The following AGBL4 variants were observed in gnomAD, a reference collection of about 807,000 sequenced individuals.
AGBL4 encodes the protein AGBL carboxypeptidase 4, also known as cytosolic carboxypeptidase 6.
Under a neutral mutation model 66.4 loss-of-function variants are expected in AGBL4, and 58 were observed. That is an observed-to-expected ratio of 0.87 (90% CI 0.71 to 1.09). AGBL4 has a LOEUF of 1.09. Ranked by LOEUF, AGBL4 falls within the 50% of genes least tolerant of loss-of-function variation. The pLI is 0.00. For missense variants in AGBL4, 579 were observed against 631.0 expected (o/e 0.92, Z 0.88); for synonymous variants, 234 against 222.9 (o/e 1.05, Z -0.44).
chr1:48,724,079 G>A (rs574321800), intron 6 of AGBL4, among the ~76,000 whole-genome samples: 9 of 152,166 alleles, frequency 5.9e-5, no homozygotes, highest in Non-Finnish European at 1.2e-4. Context: ...CTGCATACGG[G>A]GTCAGCAGGT....
In AGBL4 at chr1:49,787,797, T is replaced by G. The variant is rs181996677; in HGVS notation, c.157+63599A>C. ...AGTCACACAGGACACACCTAATTCCTCCAACAATGAACTGTGACAACACAT... is the reference window on the plus strand; with the variant it reads ...AGTCACACAGGACACACCTAATTCCGCCAACAATGAACTGTGACAACACAT... On this transcript the variant is annotated intron_variant, in intron 2 of 13. Coordinates refer to ENST00000371839, the MANE Select transcript of AGBL4 (RefSeq NM_032785.4). Among the ~76,000 whole-genome samples the G allele has an allele frequency of 2.0e-5, 3 of 151,992 alleles. No homozygotes were observed. In the East Asian group the frequency reaches 5.8e-4, roughly 30 times the overall value.
intron 11 of AGBL4, among the ~76,000 whole-genome samples, chr1:48,570,756 G>C (rs1330069484): frequency 6.6e-6 from 1 of 152,090 alleles, no homozygotes; most frequent in Non-Finnish European, 1.5e-5. Context: ...ACATCCACTC[G>C]CACATACTAT....
intron 4 of AGBL4, among the ~76,000 whole-genome samples, chr1:49,151,859 C>A (rs939790001): frequency 6.6e-6 from 1 of 152,026 alleles, no homozygotes; most frequent in African/African-American, 2.4e-5. Flanking sequence ...TTATGTAATA[C>A]CTATTAACAT....
At chr1:49,190,085 T>C (rs1647087524) in intron 4 of AGBL4, among the ~76,000 whole-genome samples, 1 of 152,202 alleles carries the variant, frequency 6.6e-6, no homozygotes, top group Non-Finnish European at 1.5e-5. Context: ...TGTGATTCTT[T>C]AGAGAACTAC....
intron 6 of AGBL4, among the ~76,000 whole-genome samples, chr1:48,787,320 T>C (rs570653605): frequency 4.9e-4 from 75 of 152,290 alleles, no homozygotes; most frequent in African/African-American, 1.2e-3. Flanking sequence ...TGACCCCTAT[T>C]GGTCCAGGTG....
chr1:49,552,637 T>C (rs1653059168), intron 3 of AGBL4, among the ~76,000 whole-genome samples: 1 of 152,238 alleles, frequency 6.6e-6, no homozygotes, highest in Admixed American at 6.5e-5. Flanking sequence ...ACAGTTGTGG[T>C]ACTCACAGTA....
At chr1:49,926,502 A>G (rs1275194449) in intron 1 of AGBL4, among the ~76,000 whole-genome samples, 1 of 152,210 alleles carries the variant, frequency 6.6e-6, no homozygotes, top group African/African-American at 2.4e-5. Flanking sequence ...AAACATCCAC[A>G]ACATTAAAAC....
At chr1:49,531,283 G>A (rs1474691576) in intron 3 of AGBL4, among the ~76,000 whole-genome samples, 1 of 152,002 alleles carries the variant, frequency 6.6e-6, no homozygotes, top group Non-Finnish European at 1.5e-5. Context: ...CACTAGGCAT[G>A]TCAGTTTCCC....
At position 49,391,616 on chromosome 1, in the gene AGBL4, C is replaced by G. The variant is rs561892600; in HGVS notation, c.283-145752G>C. Among the ~76,000 whole-genome samples, 3 of 141,016 alleles carry G rather than the reference C, an allele frequency of 2.1e-5. No individual in the cohort carries two copies. The South Asian group carries it at 6.7e-4, about 31-fold the overall frequency. 92.5% of individuals were successfully genotyped at this position (141,016 alleles called of 152,430 possible). On this transcript the variant is annotated intron_variant, in intron 3 of 13. Transcript: ENST00000371839. ...TCGCTCTATCGCCCAGGCTGGAGTA[C>G]AGTGGCGCGATCTCTGCTCACTGCA... is the stretch of plus-strand genomic sequence containing the variant.
At chr1:48,788,426 G>A (rs774398469) in intron 6 of AGBL4, among the ~76,000 whole-genome samples, 2 of 152,176 alleles carry the variant, frequency 1.3e-5, no homozygotes, top group Non-Finnish European at 2.9e-5. Context: ...GGCAAACAAA[G>A]GCAGTCTGCC....
At chr1:49,759,436 G>A (rs189988040) in intron 2 of AGBL4, among the ~76,000 whole-genome samples, 95 of 152,130 alleles carry the variant, frequency 6.2e-4, no homozygotes, top group African/African-American at 2.2e-3. Context: ...ACTGCCTAAG[G>A]GGAAACAATG....
chr1:49,705,296 A>G (rs185394930), intron 2 of AGBL4, among the ~76,000 whole-genome samples: 6 of 152,160 alleles, frequency 3.9e-5, no homozygotes, highest in African/African-American at 1.4e-4. Context: ...GACTTTGCTG[A>G]AGTTATCAGG....
intron 2 of AGBL4, among the ~76,000 whole-genome samples, chr1:49,785,079 A>T (rs980877818): frequency 6.6e-6 from 1 of 152,082 alleles, no homozygotes; most frequent in African/African-American, 2.4e-5. Context: ...TTAATAAACC[A>T]AAGCATTTAT....
chr1:48,985,885 T>G (rs773445088), intron 5 of AGBL4, among the ~76,000 whole-genome samples: 1 of 152,030 alleles, frequency 6.6e-6, no homozygotes, highest in South Asian at 2.1e-4. Context: ...CTGATACAGA[T>G]GTTAGCATTA....
At chr1:49,383,202 G>A (rs1338404653) in intron 3 of AGBL4, among the ~76,000 whole-genome samples, 2 of 152,180 alleles carry the variant, frequency 1.3e-5, no homozygotes, top group Non-Finnish European at 2.9e-5. Flanking sequence ...TAAAATGTCT[G>A]TACTACTCAA....
In AGBL4 at chr1:48,736,522, T is replaced by C. The variant is rs1320566324; in HGVS notation, c.635-73281A>G. 1.6e-6 allele frequency: 2 copies of C among 1,285,302 alleles called. No individual in the cohort carries two copies. The highest frequency in any genetic ancestry group is 4.6e-5 in the East Asian group (2 of 43,196). 79.6% of individuals were successfully genotyped at this position (1,285,302 alleles called of 1,614,324 possible). On this transcript the variant is annotated intron_variant, in intron 6 of 13. Transcript: ENST00000371839. This position sits in a 1 kb window ranked among gnomAD's most constrained non-coding sequence, Gnocchi z 4.0. ...GGCAGTGGGAGGCTTCTCTTGTCCT[T>C]TAAAAAGCATTGCTGCACAACTGTA...
chr1:49,600,711 T>C (rs78106166), intron 3 of AGBL4, among the ~76,000 whole-genome samples: 1 of 152,230 alleles, frequency 6.6e-6, no homozygotes, highest in East Asian at 1.9e-4. Flanking sequence ...GTGTCGATGG[T>C]CTTTACAATT....
At chr1:48,650,521 C>T (rs1645912346) in intron 8 of AGBL4, among the ~76,000 whole-genome samples, 1 of 151,654 alleles carries the variant, frequency 6.6e-6, no homozygotes, top group Non-Finnish European at 1.5e-5. Flanking sequence ...TGCCTCCTTC[C>T]CTCTCTCCCT....
intron 5 of AGBL4, among the ~76,000 whole-genome samples, chr1:49,040,115 A>G (rs1162867681): frequency 1.3e-5 from 2 of 152,086 alleles, no homozygotes; most frequent in Non-Finnish European, 2.9e-5. Flanking sequence ...TAGAATATAT[A>G]AAGAACTCTT....
Sources: allele counts gnomAD v4.1 joint callset (sites outside exome capture counted in the v4.1 genomes callset), GRCh38; gene constraint gnomAD v4.1.1; non-coding constraint Gnocchi (gnomAD v3.1); transcripts MANE v1.5; gene names NCBI Gene and HGNC (gene_info 2026-07-23, HGNC 2026-07-21).